The following ADAMTS18 variants were observed in gnomAD, a reference collection of about 807,000 sequenced individuals.
ADAMTS18 encodes the protein A disintegrin and metalloproteinase with thrombospondin motifs 18.
Under a neutral mutation model 165.9 loss-of-function variants are expected in ADAMTS18, and 157 were observed. The ratio of observed to expected loss-of-function variants is 0.95; its 90% CI spans 0.83 to 1.08. The LOEUF is 1.08. Among genes scored for constraint, ADAMTS18 ranks in the 50% least tolerant of loss-of-function variants. The pLI, the probability that ADAMTS18 is intolerant of heterozygous loss-of-function variation, is 0.00. For synonymous variants in ADAMTS18, 782 were observed against 578.2 expected (o/e 1.35, Z -5.06); for missense variants, 2,040 against 1,534.0 (o/e 1.33, Z -5.51).
chr16:77,417,053 T>G (rs1345528167), intron 3 of ADAMTS18, among the ~76,000 whole-genome samples: 1 of 152,188 alleles, frequency 6.6e-6, no homozygotes, highest in East Asian at 1.9e-4. Flanking sequence ...CATCACTTAT[T>G]TGTGTTCCCA....
At chr16:77,346,853 T>C (rs1368716013) in intron 10 of ADAMTS18, among the ~76,000 whole-genome samples, 1 of 152,204 alleles carries the variant, frequency 6.6e-6, no homozygotes, top group Non-Finnish European at 1.5e-5. Context: ...GCATTCATTT[T>C]AAGTGTACTG....
chr16:77,383,913 T>A (rs762113097), intron 3 of ADAMTS18, among the ~76,000 whole-genome samples: 106 of 152,256 alleles, frequency 7.0e-4, no homozygotes, highest in Non-Finnish European at 1.2e-3. Context: ...GTTCAAAGCA[T>A]CCTTTCAAAT....
rs2057739282 is a variant in ADAMTS18, at chr16:77,431,452, T to G, written c.338A>C (p.Lys113Thr). 3 of 1,614,180 alleles carry G rather than the reference T, an allele frequency of 1.9e-6. No individual in the cohort carries two copies. In the East Asian group the frequency reaches 6.7e-5, roughly 36 times the overall value. Residue 113 changes from lysine to threonine, a missense_variant, in exon 3 of 23, where the codon AAG (lysine) becomes ACG (threonine). Transcript: ENST00000282849. ...AFGQELHLEL[K>T]PSAILSSHFI... is the part of the protein sequence containing the mutation. ...GTGACTGCTCAAAATCGCCGAGGGCTTAAGTTCTAAGTGCAGTTCCTGTCC... is the reference window on the plus strand; with the variant it reads ...GTGACTGCTCAAAATCGCCGAGGGCGTAAGTTCTAAGTGCAGTTCCTGTCC...
chr16:77,326,715 A>T (rs905119462), intron 12 of ADAMTS18, among the ~76,000 whole-genome samples: 12 of 152,196 alleles, frequency 7.9e-5, no homozygotes, highest in African/African-American at 1.7e-4. Flanking sequence ...TAAATTTTTT[A>T]AATTTTTTAA....
At chr16:77,339,725 T>A (rs1317626159) in intron 11 of ADAMTS18, among the ~76,000 whole-genome samples, 3 of 152,132 alleles carry the variant, frequency 2.0e-5, no homozygotes, top group Non-Finnish European at 4.4e-5. Flanking sequence ...TGTATCATCA[T>A]GGCCCCAACA....
chr16:77,369,625 G>C (rs984864842), intron 3 of ADAMTS18, among the ~76,000 whole-genome samples: 1 of 152,142 alleles, frequency 6.6e-6, no homozygotes, highest in Non-Finnish European at 1.5e-5. Flanking sequence ...TCAAAGAAAA[G>C]CCCAGGGCCA....
At chr16:77,366,011 TTACTC>T (rs2056788037) in intron 4 of ADAMTS18, among the ~76,000 whole-genome samples, 1 of 152,214 alleles carries the variant, frequency 6.6e-6, no homozygotes, top group Admixed American at 6.5e-5. Flanking sequence ...GGCTAAATCA[TTACTC>T]TATATATGCT....
At chr16:77,411,283 T>A (rs1445600305) in intron 3 of ADAMTS18, among the ~76,000 whole-genome samples, 1 of 152,170 alleles carries the variant, frequency 6.6e-6, no homozygotes. Flanking sequence ...TGTCAATTCA[T>A]CAGCAAGACC....
chr16:77,432,607 C>G (rs2057752354), intron 2 of ADAMTS18, among the ~76,000 whole-genome samples: 1 of 152,218 alleles, frequency 6.6e-6, no homozygotes. Flanking sequence ...TGCATTTCCA[C>G]TTTCAAGGCA....
chr16:77,389,894 G>A (rs1225221478), intron 3 of ADAMTS18, among the ~76,000 whole-genome samples: 1 of 152,098 alleles, frequency 6.6e-6, no homozygotes, highest in Non-Finnish European at 1.5e-5. Context: ...GTTTTTAGAA[G>A]CCCTAAATAT....
chr16:77,284,014 A>G lies in ADAMTS18; in HGVS notation c.3608T>C (p.Val1203Ala), dbSNP rs61754843. The part of the protein sequence containing the change: ...NWCHLVPQHG[V>A]CNHKFYGKQC... ...TTTTCCGTAAAACTTGTGGTTGCAG[A>G]CACCATGCTGAGGAACTAGGTGACA... Residue 1203 changes from valine to alanine, a missense_variant, in exon 23 of 23, where the codon GTC (valine) becomes GCC (alanine). Val to Ala is a moderately conservative substitution (Grantham distance 64). Transcript: ENST00000282849. The G allele has an allele frequency of 6.2e-7, 1 of 1,614,064 alleles. No individual in the cohort carries two copies. The highest frequency in any genetic ancestry group is 1.7e-5 in the Admixed American group (1 of 60,016).
chr16:77,403,475 T>C (rs1052645493), intron 3 of ADAMTS18, among the ~76,000 whole-genome samples: 1 of 152,162 alleles, frequency 6.6e-6, no homozygotes, highest in African/African-American at 2.4e-5. Context: ...CATCCCACTA[T>C]GATATGACAT....
At chr16:77,343,760 A>G (rs1330073472) in intron 10 of ADAMTS18, among the ~76,000 whole-genome samples, 1 of 152,188 alleles carries the variant, frequency 6.6e-6, no homozygotes, top group African/African-American at 2.4e-5. Flanking sequence ...TTCCGTTCTA[A>G]CAGTTAAAGT....
intron 22 of ADAMTS18, among the ~76,000 whole-genome samples, chr16:77,285,296 C>T (rs575013663): frequency 6.6e-6 from 1 of 152,256 alleles, no homozygotes; most frequent in African/African-American, 2.4e-5. Context: ...CGTAAGCCTC[C>T]TGGGTAGCTG....
chr16:77,335,869 C>T lies in ADAMTS18; in HGVS notation c.1746G>A (p.Glu582=). 1 of 1,614,188 alleles carries T rather than the reference C, an allele frequency of 6.2e-7. No homozygotes were observed. Among genetic ancestry groups the T allele is most frequent in the Non-Finnish European group, 8.5e-7 (1 of 1,180,040 alleles). ...GGCCGTGGATGGGCCGGGGCCCGAG[C>T]TCCCCAAACTTTACGCACTGGCCTT... ...CRQGQCVKFG[E]LGPRPIHGQW... Residue 582 remains glutamate (E), a synonymous_variant, in exon 12 of 23, where the codon GAG becomes GAA. Transcript: ENST00000282849.
At chr16:77,354,953 T>A (rs1292719187) in intron 9 of ADAMTS18, among the ~76,000 whole-genome samples, 1 of 152,202 alleles carries the variant, frequency 6.6e-6, no homozygotes, top group Non-Finnish European at 1.5e-5. Context: ...CAAAGCTTAC[T>A]AACAAAAAGT....
At position 77,401,270 on chromosome 16, in the gene ADAMTS18, C is replaced by CAAA. The variant is rs1370232832; in HGVS notation, c.495+30024_495+30025insTTT. Reference sequence around the variant, plus strand: ...CTCCATCTCAAAACAACAACAATAACAACAACAACAAAAGAAAGAAAGAAA... The same window carrying CAAA: ...CTCCATCTCAAAACAACAACAATAACAAAAACAACAACAAAAGAAAGAAAGAAA... On this transcript the variant is annotated intron_variant, in intron 3 of 22. Transcript: ENST00000282849. Among the ~76,000 whole-genome samples the CAAA allele has an allele frequency of 1.4e-4, 22 of 152,110 alleles. No homozygotes were observed. The South Asian group carries it at 4.4e-3, about 30-fold the overall frequency.
At chr16:77,292,198 C>G (rs2055377123) in intron 20 of ADAMTS18, among the ~76,000 whole-genome samples, 1 of 151,946 alleles carries the variant, frequency 6.6e-6, no homozygotes, top group African/African-American at 2.4e-5. Context: ...TGCCTCTAGT[C>G]CGAGGCAGCA....
At chr16:77,421,352 A>G (rs1444909037) in intron 3 of ADAMTS18, among the ~76,000 whole-genome samples, 1 of 152,234 alleles carries the variant, frequency 6.6e-6, no homozygotes, top group East Asian at 1.9e-4. Flanking sequence ...GAAAAACTTG[A>G]TGTGACTGAA....
Sources: allele counts gnomAD v4.1 joint callset (sites outside exome capture counted in the v4.1 genomes callset), GRCh38; gene constraint gnomAD v4.1.1; transcripts MANE v1.5; gene names NCBI Gene and HGNC (gene_info 2026-07-23, HGNC 2026-07-21).